ATP13A3: variants seen among roughly 807,000 people sequenced by gnomAD.
The protein encoded by ATP13A3 is polyamine-transporting ATPase 13A3.
A neutral mutation model predicts 158.1 loss-of-function variants in ATP13A3; 59 were observed. The observed-to-expected ratio is 0.37, with a 90% CI of 0.30 to 0.46. ATP13A3 has a LOEUF of 0.46. Among genes scored for constraint, ATP13A3 ranks in the 20% least tolerant of loss-of-function variants. The pLI is 1.00. For missense variants in ATP13A3, 1,166 were observed against 1,525.2 expected (o/e 0.76, Z 3.92); for synonymous variants, 491 against 504.3 (o/e 0.97, Z 0.35).
chr3:194,410,966 G>T (rs989872711), intron 33 of ATP13A3, among the ~76,000 whole-genome samples: 2 of 145,590 alleles, frequency 1.4e-5, no homozygotes, highest in Admixed American at 6.8e-5. Context: ...GTGTGTGTGT[G>T]TGTGTATACA....
chr3:194,440,907 T>C (rs1434790145), intron 16 of ATP13A3, among the ~76,000 whole-genome samples: 1 of 152,184 alleles, frequency 6.6e-6, no homozygotes, highest in African/African-American at 2.4e-5. Flanking sequence ...TGTGCATGTA[T>C]GTGGACACAG....
intron 2 of ATP13A3, among the ~76,000 whole-genome samples, chr3:194,477,791 C>T (rs953124742): frequency 2.6e-5 from 4 of 152,202 alleles, no homozygotes; most frequent in Non-Finnish European, 5.9e-5. Context: ...GTGTTTCCAC[C>T]TCACTTCATC....
intron 21 of ATP13A3, among the ~76,000 whole-genome samples, chr3:194,433,322 C>T (rs1717374563): frequency 6.7e-6 from 1 of 149,136 alleles, no homozygotes; most frequent in African/African-American, 2.5e-5. Context: ...CGGCTCACTG[C>T]AAGCTCCGCT....
chr3:194,472,484 G>A (rs937845203), intron 2 of ATP13A3, among the ~76,000 whole-genome samples: 2 of 152,096 alleles, frequency 1.3e-5, no homozygotes, highest in African/African-American at 4.8e-5. Context: ...TCACCACTAG[G>A]GGATGTTCCA....
intron 29 of ATP13A3, 98 bp from the exon 30 acceptor site, chr3:194,425,627 C>A (rs1716710848): frequency 1.1e-6 from 1 of 917,510 alleles, no homozygotes; most frequent in Non-Finnish European, 1.6e-6. Flanking sequence ...ACTATCATAA[C>A]AAATAGAAAT....
At chr3:194,414,908 T>C (rs1017704298) in intron 31 of ATP13A3, among the ~76,000 whole-genome samples, 7 of 152,170 alleles carry the variant, frequency 4.6e-5, no homozygotes, top group Non-Finnish European at 7.4e-5. Flanking sequence ...AGTAGTGAGG[T>C]AGGCTCAGGG....
chr3:194,444,414 G>A lies in ATP13A3; in HGVS notation c.1559+311C>T, dbSNP rs373274976. ...AAAGTTTGGAGAGGGGAAAAAAGCA[G>A]CAAAACATATGTACAGTATATCATT... On this transcript the variant is annotated intron_variant, in intron 15 of 33. Transcript: ENST00000645319. Among the ~76,000 whole-genome samples, 11 of 152,200 alleles carry A rather than the reference G, an allele frequency of 7.2e-5. No individual in the cohort carries two copies. In the South Asian group the frequency reaches 1.2e-3, roughly 17 times the overall value.
rs760649602 is a variant in ATP13A3 at position 194,447,070 on chromosome 3, T to C, written c.1354A>G (p.Ile452Val). ...IIIESLDIITITVPPALPAAM... is the reference protein window; with the variant it reads ...IIIESLDIITVTVPPALPAAM... ...GCAGGAAGTGCAGGGGGCACAGTAA[T>C]TGTGATAATATCAAGAGACTCGATA... is the stretch of plus-strand genomic sequence containing the variant. Residue 452 changes from isoleucine to valine, a missense_variant, in exon 14 of 34, where the codon ATT becomes GTT. Around this residue, in one of 3 missense-constraint regions of ATP13A3, gnomAD observed 997 missense variants for 1,341.2 expected, o/e 0.74. Coordinates refer to ENST00000645319, the MANE Select transcript of ATP13A3 (RefSeq NM_001367549.1). 2 of 1,611,846 alleles carry C rather than the reference T, an allele frequency of 1.2e-6. No individual in the cohort carries two copies. The highest frequency in any genetic ancestry group is 1.7e-6 in the Non-Finnish European group (2 of 1,179,544).
In ATP13A3 at chr3:194,430,940, T is replaced by A. The variant is rs1166612172; in HGVS notation, c.2624+3A>T. On this transcript the variant is annotated splice_donor_region_variant and intron_variant, in intron 24 of 33. Transcript: ENST00000645319. Reference sequence around the variant, plus strand: ...CAAAACCAAAAAAGACACCAATACTTACTCAACATTTTGCAATGCTTCTAT... The same window carrying A: ...CAAAACCAAAAAAGACACCAATACTAACTCAACATTTTGCAATGCTTCTAT... The A allele has an allele frequency of 6.2e-7, 1 of 1,606,908 alleles. No individual in the cohort carries two copies. Among genetic ancestry groups the A allele is most frequent in the African/African-American group, 1.3e-5 (1 of 74,830 alleles).
intron 33 of ATP13A3, among the ~76,000 whole-genome samples, chr3:194,410,296 CA>C (rs772008929): frequency 3.7e-4 from 8 of 21,818 alleles, no homozygotes; most frequent in Admixed American, 9.1e-4. Flanking sequence ...CTCCTCTCTG[CA>C]AAAAAAAAAA....
intron 10 of ATP13A3, chr3:194,451,000 A>G (rs1415940929): frequency 6.6e-6 from 1 of 152,170 alleles, no homozygotes; most frequent in Non-Finnish European, 1.5e-5. Context: ...CCTTATATGT[A>G]GGTATTCTCT....
At position 194,405,220 on chromosome 3, in the gene ATP13A3, C is replaced by T. The variant is rs1454897098; in HGVS notation, c.*699G>A. The T allele has an allele frequency of 6.6e-6, 1 of 152,156 alleles. No individual in the cohort carries two copies. The highest frequency in any genetic ancestry group is 1.5e-5 in the Non-Finnish European group (1 of 68,050). 9.4% of individuals were successfully genotyped at this position (152,156 alleles called of 1,614,324 possible). A position where few individuals can be genotyped will look rare whatever the true frequency, so the allele number is the denominator to read the frequency against. ...ACATAGCACAGGAGCCATTTAAGAG[C>T]TTTGAGAGGCGTCTCAAGAAGGCAG... On this transcript the variant is annotated 3_prime_UTR_variant, in exon 34 of 34. Transcript: ENST00000645319.
intron 30 of ATP13A3, among the ~76,000 whole-genome samples, chr3:194,424,094 T>G (rs1467459282): frequency 6.6e-6 from 1 of 151,988 alleles, no homozygotes; most frequent in African/African-American, 2.4e-5. Context: ...AAAAAATCCT[T>G]TTAGAAATAC....
chr3:194,491,833 A>C, upstream of ATP13A3, among the ~76,000 whole-genome samples: 2 of 106,496 alleles, frequency 1.9e-5, no homozygotes, highest in Admixed American at 1.0e-4. Flanking sequence ...CTCATCTCTC[A>C]CCTGGCATGT....
In ATP13A3 at chr3:194,402,815, T is replaced by A. The variant is rs1455091731; in HGVS notation, c.*3104A>T. On this transcript the variant is annotated 3_prime_UTR_variant, in exon 34 of 34. Coordinates refer to ENST00000645319, the MANE Select transcript of ATP13A3 (RefSeq NM_001367549.1). The stretch of plus-strand genomic sequence containing the variant: ...CCATTCTTGAGCAGCAATACAATTT[T>A]AAAAATATAAAGATGCAGTATCATT... The A allele has an allele frequency of 1.3e-5, 2 of 152,186 alleles. No homozygotes were observed. Among genetic ancestry groups the A allele is most frequent in the Non-Finnish European group, 2.9e-5 (2 of 68,028 alleles). The allele number at this position is 152,186 out of a possible 1,614,324, so 9.4% of individuals were successfully genotyped here.
intron 33 of ATP13A3, among the ~76,000 whole-genome samples, chr3:194,411,576 G>A (rs1715433975): frequency 6.6e-6 from 1 of 152,092 alleles, no homozygotes; most frequent in African/African-American, 2.4e-5. Flanking sequence ...CACAGAACTT[G>A]CAATACCTTT....
chr3:194,482,324 C>A (rs1333673188), intron 2 of ATP13A3, among the ~76,000 whole-genome samples: 1 of 152,164 alleles, frequency 6.6e-6, no homozygotes, highest in Non-Finnish European at 1.5e-5. Context: ...AACTCCTGGC[C>A]TCAAGCCATC....
chr3:194,433,203 T>TA (rs36077749), intron 21 of ATP13A3, among the ~76,000 whole-genome samples: 21,298 of 150,308 alleles, frequency 0.14, 1,630 homozygotes, highest in South Asian at 0.24. Flanking sequence ...GGAGTCAAGT[T>TA]TAAATTTTTA....
intron 6 of ATP13A3, among the ~76,000 whole-genome samples, chr3:194,458,777 A>C (rs1466650830): frequency 6.6e-6 from 1 of 152,162 alleles, no homozygotes; most frequent in East Asian, 1.9e-4. Context: ...GAATGTTCCA[A>C]TTCATTAGTG....
Sources: allele counts gnomAD v4.1 joint callset (sites outside exome capture counted in the v4.1 genomes callset), GRCh38; gene constraint gnomAD v4.1.1; regional missense constraint gnomAD v4.1.1; transcripts MANE v1.5; gene names NCBI Gene and HGNC (gene_info 2026-07-23, HGNC 2026-07-21).